The following CCDC158 variants were observed in gnomAD, a reference collection of about 807,000 sequenced individuals.
The protein encoded by CCDC158 is coiled-coil domain containing 158, also known as coiled-coil domain-containing protein 158.
CCDC158 carries 116 observed loss-of-function variants against 138.6 expected under a neutral mutation model. The ratio of observed to expected loss-of-function variants is 0.84; its 90% CI spans 0.72 to 0.98. CCDC158 has a LOEUF of 0.98. CCDC158 is among the 50% of genes least tolerant of loss of function. CCDC158 has a pLI of 0.00. For missense variants in CCDC158, 1,265 were observed against 1,306.1 expected, an observed-to-expected ratio of 0.97 and a Z score of 0.48; for synonymous variants, 436 against 442.4, an observed-to-expected ratio of 0.99 and a Z score of 0.18.
chr4:76,322,693 C>T (rs540158155), intron 24 of CCDC158, among the ~76,000 whole-genome samples: 28 of 152,098 alleles, frequency 1.8e-4, no homozygotes, highest in Admixed American at 2.6e-4. Context: ...TTCATGAAGG[C>T]GGGTTATAAA....
In CCDC158 at chr4:76,357,433, T is replaced by G. The variant is rs925158121; in HGVS notation, c.2114A>C (p.Gln705Pro). ...ATTTCTTGTCTGTTCTAGTTCAGACTGTGCAGATTTTAATTGCATTTTCAA... is the reference window on the plus strand; with the variant it reads ...ATTTCTTGTCTGTTCTAGTTCAGACGGTGCAGATTTTAATTGCATTTTCAA... ...NKLKMQLKSA[Q>P]SELEQTRNTL... is the part of the protein sequence containing the mutation. The change falls in exon 14 of 25, where the codon CAG (glutamine) becomes CCG (proline). Residue 705 changes from glutamine (Q) to proline (P), a missense_variant. Gln to Pro is a moderately conservative substitution (Grantham distance 76, BLOSUM62 -1). Transcript: ENST00000682701. The G allele has an allele frequency of 3.1e-6, 5 of 1,605,346 alleles. No individual in the cohort carries two copies. Among genetic ancestry groups the G allele is most frequent in the Non-Finnish European group, 4.3e-6 (5 of 1,175,876 alleles).
intron 4 of CCDC158, among the ~76,000 whole-genome samples, chr4:76,386,240 G>A (rs533804662): frequency 6.6e-6 from 1 of 152,260 alleles, no homozygotes; most frequent in East Asian, 1.9e-4. Flanking sequence ...AAAACTATCT[G>A]CACACAGAAG....
chr4:76,407,911 T>C (rs1392571054), intron 2 of CCDC158, among the ~76,000 whole-genome samples: 3 of 152,142 alleles, frequency 2.0e-5, no homozygotes, highest in Non-Finnish European at 2.9e-5. Flanking sequence ...GCTTGCGTTA[T>C]TCATCATAAC....
At chr4:76,398,160 T>C (rs1303317218) in intron 3 of CCDC158, among the ~76,000 whole-genome samples, 3 of 152,190 alleles carry the variant, frequency 2.0e-5, no homozygotes, top group Admixed American at 1.3e-4. Context: ...CTAATAACTA[T>C]GATAAAATTA....
At chr4:76,365,286 T>C (rs1484239505) in intron 12 of CCDC158, among the ~76,000 whole-genome samples, 2 of 152,158 alleles carry the variant, frequency 1.3e-5, no homozygotes, top group African/African-American at 2.4e-5. Flanking sequence ...TTCCCCCACC[T>C]TTTTTTCTTA....
intron 18 of CCDC158, among the ~76,000 whole-genome samples, chr4:76,339,565 C>T (rs985344323): frequency 2.6e-5 from 4 of 152,250 alleles, no homozygotes; most frequent in Non-Finnish European, 5.9e-5. Flanking sequence ...TGCAGGAGCA[C>T]ATGTTATGTG....
At chr4:76,399,469 A>T (rs1412502513) in intron 3 of CCDC158, among the ~76,000 whole-genome samples, 1 of 152,200 alleles carries the variant, frequency 6.6e-6, no homozygotes, top group Non-Finnish European at 1.5e-5. Flanking sequence ...TTAAAATTAA[A>T]TTAAATTAAA....
intron 2 of CCDC158, among the ~76,000 whole-genome samples, chr4:76,409,091 C>T (rs1397550304): frequency 2.6e-5 from 4 of 152,090 alleles, no homozygotes; most frequent in Non-Finnish European, 5.9e-5. Context: ...ATCTCTGTTG[C>T]CAATGCTGGT....
chr4:76,323,499 T>G (rs1190768872), intron 23 of CCDC158, 90 bp from the exon 24 acceptor site: 21 of 1,047,238 alleles, frequency 2.0e-5, no homozygotes, highest in Middle Eastern at 4.3e-4. Context: ...CAATTTTTCT[T>G]TAAAATAAAG....
At chr4:76,338,964 A>T (rs979385450) in intron 18 of CCDC158, among the ~76,000 whole-genome samples, 3 of 152,230 alleles carry the variant, frequency 2.0e-5, no homozygotes, top group African/African-American at 7.2e-5. Flanking sequence ...TTGAAAAGAA[A>T]GCTGCATTGA....
At chr4:76,327,441 A>G (rs890685840) in intron 22 of CCDC158, among the ~76,000 whole-genome samples, 5 of 152,176 alleles carry the variant, frequency 3.3e-5, no homozygotes, top group African/African-American at 1.2e-4. Context: ...ACAAACCTAG[A>G]TGGTATACAG....
intron 18 of CCDC158, among the ~76,000 whole-genome samples, chr4:76,337,925 C>T (rs921314019): frequency 3.3e-5 from 5 of 152,154 alleles, no homozygotes; most frequent in African/African-American, 2.4e-5. Flanking sequence ...GGACCGGTAC[C>T]GGCCCATGGT....
chr4:76,392,749 C>T (rs778874929), intron 4 of CCDC158, among the ~76,000 whole-genome samples: 1 of 151,684 alleles, frequency 6.6e-6, no homozygotes, highest in African/African-American at 2.4e-5. Context: ...CTAAAGACTC[C>T]ACCAAAAAAA....
intron 18 of CCDC158, among the ~76,000 whole-genome samples, chr4:76,342,866 G>A (rs911592056): frequency 1.3e-5 from 2 of 152,170 alleles, no homozygotes; most frequent in Admixed American, 6.5e-5. Flanking sequence ...GAAGGCTCAC[G>A]AATTGGAAGT....
Position 76,367,688 on chromosome 4 carries a change from T to A in CCDC158, c.1436A>T (p.Lys479Ile). The A allele has an allele frequency of 6.2e-7, 1 of 1,614,180 alleles. No homozygotes were observed. Among genetic ancestry groups the A allele is most frequent in the Admixed American group, 1.7e-5 (1 of 60,026 alleles). ...CTTGGCTGTCAACTCTTCTACTACTTTGCGCAGCATCTCTTTGGTGGATTC... is the reference window on the plus strand; with the variant it reads ...CTTGGCTGTCAACTCTTCTACTACTATGCGCAGCATCTCTTTGGTGGATTC... ...QLESTKEMLR[K>I]VVEELTAKKM... The change falls in exon 12 of 25, where the codon AAA (lysine) becomes ATA (isoleucine). Residue 479 changes from lysine (K) to isoleucine (I), a missense_variant. Coordinates refer to ENST00000682701, the MANE Select transcript of CCDC158 (RefSeq NM_001394954.1).
intron 3 of CCDC158, among the ~76,000 whole-genome samples, chr4:76,399,347 T>C (rs1728125939): frequency 6.6e-6 from 1 of 152,180 alleles, no homozygotes; most frequent in African/African-American, 2.4e-5. Flanking sequence ...GATACATGGC[T>C]AATGCATACG....
Position 76,313,194 on chromosome 4 carries a change from G to T in CCDC158, c.3330C>A (p.Asp1110Glu). The T allele has an allele frequency of 1.2e-6, 2 of 1,606,480 alleles. No homozygotes were observed. Among genetic ancestry groups the T allele is most frequent in the Non-Finnish European group, 1.7e-6 (2 of 1,175,900 alleles). ...GTCATTTTAGTAACATTTTTTCCTG[G>T]TCTTTTACTTTCTGTATCCTCTTTT... The part of the protein sequence containing the change: ...NQEKRIQKVK[D>E]QEKMLLK Residue 1110 changes from aspartate (D) to glutamate (E), a missense_variant, in exon 25 of 25, where the codon GAC (aspartate) becomes GAA (glutamate). Coordinates refer to ENST00000682701, the MANE Select transcript of CCDC158 (RefSeq NM_001394954.1).
chr4:76,365,839 A>G (rs28578006), intron 12 of CCDC158, among the ~76,000 whole-genome samples: 4,458 of 152,252 alleles, frequency 0.029, 219 homozygotes, highest in African/African-American at 0.1. Flanking sequence ...CCAGCAGTCC[A>G]TGCTTTAAAA....
At chr4:76,394,864 T>C (rs944235184) in intron 4 of CCDC158, among the ~76,000 whole-genome samples, 2 of 152,074 alleles carry the variant, frequency 1.3e-5, no homozygotes, top group African/African-American at 2.4e-5. Flanking sequence ...AAAAGAGTTA[T>C]ACAAGATACC....
Sources: allele counts gnomAD v4.1 joint callset (sites outside exome capture counted in the v4.1 genomes callset), GRCh38; gene constraint gnomAD v4.1.1; transcripts MANE v1.5; gene names NCBI Gene and HGNC (gene_info 2026-07-23, HGNC 2026-07-21).